Variants in KNTC1 observed in about 807,000 individuals in gnomAD.
KNTC1 encodes the protein kinetochore-associated protein 1.
Under a neutral mutation model 314.4 loss-of-function variants are expected in KNTC1, and 253 were observed. That is an observed-to-expected ratio of 0.80 (90% confidence interval 0.73 to 0.89). KNTC1 has a LOEUF of 0.89. Among genes scored for constraint, KNTC1 ranks in the 40% least tolerant of loss-of-function variants. The pLI is 0.00. For synonymous variants in KNTC1, 901 were observed against 901.4 expected, an observed-to-expected ratio of 1.00 and a Z score of 0.01; for missense variants, 2,475 against 2,572.9, an observed-to-expected ratio of 0.96 and a Z score of 0.82.
chr12:122,528,575 C>T (rs771256253), intron 1 of KNTC1, among the ~76,000 whole-genome samples: 4 of 152,204 alleles, frequency 2.6e-5, no homozygotes, highest in Non-Finnish European at 4.4e-5. Flanking sequence ...AAATAGAAAA[C>T]TCCTTCAGGT....
intron 40 of KNTC1, 83 bp downstream of exon 40, chr12:122,588,899 A>G (rs1422408181): frequency 1.4e-5 from 11 of 783,606 alleles, no homozygotes; most frequent in Non-Finnish European, 2.2e-5. Context: ...TCAATAGTTT[A>G]TGATTCAGTA....
At chr12:122,626,073 A>C (rs1875015846) in intron 63 of KNTC1, 132 bp from the exon 64 acceptor site, 4 of 687,430 alleles carry the variant, frequency 5.8e-6, no homozygotes. Flanking sequence ...GTTTCTCTCT[A>C]ATCTAAAATG....
At chr12:122,624,943 C>T (rs1874858412) in intron 63 of KNTC1, among the ~76,000 whole-genome samples, 1 of 152,204 alleles carries the variant, frequency 6.6e-6, no homozygotes, top group Non-Finnish European at 1.5e-5. Context: ...CATGGTCTCT[C>T]AGGTGCTTTC....
chr12:122,603,466 A>C (rs1872209641), intron 48 of KNTC1, among the ~76,000 whole-genome samples: 1 of 150,862 alleles, frequency 6.6e-6, no homozygotes. Flanking sequence ...AGGAATAGGC[A>C]GTGATGGGTA....
chr12:122,547,725 T>G (rs1000260127), intron 11 of KNTC1, among the ~76,000 whole-genome samples, 190 bp from the exon 12 acceptor site: 1 of 152,264 alleles, frequency 6.6e-6, no homozygotes, highest in South Asian at 2.1e-4. Flanking sequence ...TGTTAGAAAC[T>G]GTCAGTCTGG....
intron 18 of KNTC1, among the ~76,000 whole-genome samples, chr12:122,559,340 A>C (rs1455853904): frequency 6.6e-6 from 1 of 151,826 alleles, no homozygotes; most frequent in Non-Finnish European, 1.5e-5. Context: ...ACTCTGTCCC[A>C]AAAAAAATAA....
chr12:122,584,162 A>T, intron 34 of KNTC1, 116 bp from the exon 35 acceptor site: 1 of 767,880 alleles, frequency 1.3e-6, no homozygotes, highest in East Asian at 2.5e-5. Context: ...TACCATGAGA[A>T]CATTTAAAAG....
chr12:122,583,114 A>G (rs1868677271), intron 34 of KNTC1, 129 bp downstream of exon 34: 4 of 801,422 alleles, frequency 5.0e-6, no homozygotes, highest in South Asian at 3.9e-5. Flanking sequence ...GATCAAGACC[A>G]TCCTGGCTAA....
Position 122,546,166 on chromosome 12 carries a change from A to AT in KNTC1, c.670-5dup. 6.3e-7 allele frequency: 1 copy of AT among 1,579,062 alleles called. No homozygotes were observed. ...AATTTGCATTTTAAGTACTGTGTTC[A>AT]TTTTTCCAGGGAACCGGTAATTGTG... On this transcript the variant is annotated splice_polypyrimidine_tract_variant and intron_variant, in intron 8 of 63. Coordinates refer to ENST00000333479, the MANE Select transcript of KNTC1 (RefSeq NM_014708.6).
At chr12:122,621,172 G>T (rs1874392392) in intron 60 of KNTC1, among the ~76,000 whole-genome samples, 1 of 152,172 alleles carries the variant, frequency 6.6e-6, no homozygotes, top group Admixed American at 6.5e-5. Flanking sequence ...GTGCCCATCA[G>T]AAGGAGCCAC....
At chr12:122,587,429 T>G (rs150841177) in intron 38 of KNTC1, among the ~76,000 whole-genome samples, 12 of 152,374 alleles carry the variant, frequency 7.9e-5, no homozygotes, top group African/African-American at 2.9e-4. Context: ...TAGTGTTAAC[T>G]TCTATGAATT....
At chr12:122,532,539 C>T (rs975952867) in intron 2 of KNTC1, among the ~76,000 whole-genome samples, 2 of 152,042 alleles carry the variant, frequency 1.3e-5, no homozygotes, top group African/African-American at 2.4e-5. Flanking sequence ...AGCCTTAAAA[C>T]GTGGAAGTGG....
intron 55 of KNTC1, among the ~76,000 whole-genome samples, chr12:122,614,469 A>T (rs1441545083): frequency 6.6e-6 from 1 of 152,168 alleles, no homozygotes; most frequent in Non-Finnish European, 1.5e-5. Context: ...CAATAGAAGA[A>T]AGAAAGGGGG....
chr12:122,586,531 A>G (rs1869331180), intron 37 of KNTC1, among the ~76,000 whole-genome samples, 170 bp from the exon 38 acceptor site: 1 of 152,192 alleles, frequency 6.6e-6, no homozygotes, highest in Non-Finnish European at 1.5e-5. Context: ...ATATTTACAC[A>G]TCTGTGAGAG....
chr12:122,572,763 A>G (rs553685650), intron 24 of KNTC1, among the ~76,000 whole-genome samples, 174 bp from the exon 25 acceptor site: 94 of 152,262 alleles, frequency 6.2e-4, no homozygotes, highest in African/African-American at 2.2e-3. Flanking sequence ...TCTGATCTAT[A>G]CTAATTTGGT....
At chr12:122,621,064 ATGAACT>A (rs2138193798) in intron 60 of KNTC1, among the ~76,000 whole-genome samples, 1 of 152,316 alleles carries the variant, frequency 6.6e-6, no homozygotes, top group South Asian at 2.1e-4. Context: ...GGGTCTGGTA[ATGAACT>A]TGAACAAGAC....
intron 62 of KNTC1, among the ~76,000 whole-genome samples, chr12:122,624,276 C>CTT (rs747510132): frequency 4.2e-5 from 6 of 144,194 alleles, no homozygotes; most frequent in African/African-American, 7.4e-5. Flanking sequence ...CTTTTCTTTT[C>CTT]TTTTCTTTTT....
intron 7 of KNTC1, 94 bp from the exon 8 acceptor site, chr12:122,544,065 A>C (rs1962573099): frequency 1.8e-6 from 1 of 557,284 alleles, no homozygotes; most frequent in Admixed American, 3.7e-5. Flanking sequence ...AAAAAAAAAA[A>C]AATTTATAAC....
rs1413909594 is a variant in KNTC1 at position 122,554,075 on chromosome 12, AAAT to A, written c.1272+2381_1272+2383del. The stretch of plus-strand genomic sequence containing the variant: ...ACAGAATACTTCCTTAAAAAAAAAA[AAAT>A]ATATATATATATATATATATATTTG... On this transcript the variant is annotated intron_variant, in intron 16 of 63. Coordinates refer to ENST00000333479, the MANE Select transcript of KNTC1 (RefSeq NM_014708.6). 5.4e-3 allele frequency among the ~76,000 whole-genome samples: 584 copies of A among 107,174 alleles called. 4 individuals are homozygous for A. Among genetic ancestry groups the A allele is most frequent in the African/African-American group, 0.024 (554 of 22,952 alleles). The allele number at this position is 107,174 out of a possible 152,430, so 70.3% of individuals were successfully genotyped here.
Sources: gnomAD v4.1 joint callset for allele counts (sites outside exome capture counted in the v4.1 genomes callset) on GRCh38, gnomAD v4.1.1 for gene constraint, MANE v1.5 for transcripts, NCBI Gene and HGNC (gene_info 2026-07-23, HGNC 2026-07-21) for gene names.